Variants in BRINP3 observed in about 807,000 individuals in gnomAD.
BRINP3 encodes the protein BMP/retinoic acid-inducible neural-specific protein 3.
BRINP3 carries 19 observed loss-of-function variants against 71.0 expected under a neutral mutation model. The ratio of observed to expected loss-of-function variants is 0.27; its 90% confidence interval spans 0.19 to 0.39. BRINP3 has a LOEUF of 0.39. Among genes scored for constraint, BRINP3 ranks in the 10% least tolerant of loss-of-function variants. The pLI, the probability that BRINP3 is intolerant of heterozygous loss-of-function variation, is 1.00. For synonymous variants in BRINP3, 380 were observed against 337.7 expected (o/e 1.13, Z -1.37); for missense variants, 959 against 940.8 (o/e 1.02, Z -0.25).
chr1:190,374,215 A>G (rs1670045163), intron 2 of BRINP3, among the ~76,000 whole-genome samples: 1 of 152,110 alleles, frequency 6.6e-6, no homozygotes. Context: ...CTATTTGTGA[A>G]GTTTATAGGA....
chr1:190,355,556 C>T lies in BRINP3; in HGVS notation c.237-73806G>A, dbSNP rs551770191. On this transcript the variant is annotated intron_variant, in intron 2 of 7. Coordinates refer to ENST00000367462, the MANE Select transcript of BRINP3 (RefSeq NM_199051.3). ...AAACCTGTTTCCCCGAAATATAGAT[C>T]TTAATTCTTCCACTTGCATGTCAGT... Among the ~76,000 whole-genome samples the T allele has an allele frequency of 1.1e-4, 16 of 151,932 alleles. No individual in the cohort carries two copies. The East Asian group carries it at 2.9e-3, about 28-fold the overall frequency.
At chr1:190,465,697 T>G (rs551261712) in intron 1 of BRINP3, among the ~76,000 whole-genome samples, 6 of 151,860 alleles carry the variant, frequency 4.0e-5, no homozygotes, top group Middle Eastern at 3.2e-3. Context: ...TCTTGTTGAG[T>G]TCAGAGTTGA....
At chr1:190,134,293 G>A (rs1654790415) in intron 7 of BRINP3, among the ~76,000 whole-genome samples, 1 of 152,068 alleles carries the variant, frequency 6.6e-6, no homozygotes, top group African/African-American at 2.4e-5. Context: ...GTAGAGTGCA[G>A]ATGCCTCGGC....
intron 2 of BRINP3, chr1:190,302,592 C>T (rs1230451198): frequency 2.6e-5 from 4 of 151,822 alleles, no homozygotes; most frequent in Admixed American, 1.3e-4. Context: ...CTTTGTCCAA[C>T]TTAATTATTC....
intron 1 of BRINP3, among the ~76,000 whole-genome samples, chr1:190,458,289 A>G (rs1676144913): frequency 6.6e-6 from 1 of 152,144 alleles, no homozygotes; most frequent in Admixed American, 6.5e-5. Flanking sequence ...TTGTATTTGT[A>G]AGAACTTTAT....
chr1:190,202,119 T>G (rs564279856), intron 6 of BRINP3, among the ~76,000 whole-genome samples: 1 of 152,262 alleles, frequency 6.6e-6, no homozygotes, highest in Non-Finnish European at 1.5e-5. Flanking sequence ...AGGGAGACTG[T>G]ACTCTTCAAA....
intron 2 of BRINP3, among the ~76,000 whole-genome samples, chr1:190,365,808 A>G (rs12566225): frequency 0.017 from 228 of 13,380 alleles, 3 homozygotes; most frequent in Non-Finnish European, 0.026. Flanking sequence ...GAGCAAGTGT[A>G]TATATATATA....
intron 6 of BRINP3, among the ~76,000 whole-genome samples, chr1:190,186,102 A>G (rs1331829280): frequency 6.6e-6 from 1 of 152,124 alleles, no homozygotes; most frequent in Non-Finnish European, 1.5e-5. Flanking sequence ...AAGGCTGGTC[A>G]CGGTGGCTGA....
chr1:190,346,294 A>G (rs1424592827), intron 2 of BRINP3, among the ~76,000 whole-genome samples: 4 of 152,098 alleles, frequency 2.6e-5, no homozygotes, highest in Non-Finnish European at 5.9e-5. Context: ...TATGTGAAAT[A>G]TAACTAATAT....
intron 2 of BRINP3, among the ~76,000 whole-genome samples, chr1:190,399,461 A>G (rs937807442): frequency 1.3e-5 from 2 of 151,948 alleles, no homozygotes; most frequent in Non-Finnish European, 2.9e-5. Flanking sequence ...GCGAGCATGA[A>G]ACTGAAGTAT....
intron 6 of BRINP3, among the ~76,000 whole-genome samples, chr1:190,186,908 C>T (rs1047790996): frequency 2.0e-5 from 3 of 152,100 alleles, no homozygotes; most frequent in African/African-American, 7.2e-5. Flanking sequence ...TAAAGGACTT[C>T]CTAGATGAGT....
rs558649482 is a variant in BRINP3, at chr1:190,473,478, G to A, written c.-51+3970C>T. Among the ~76,000 whole-genome samples the A allele has an allele frequency of 1.5e-3, 229 of 150,158 alleles. 1 individual carries two copies. Among genetic ancestry groups the A allele is most frequent in the African/African-American group, 5.3e-3 (216 of 41,078 alleles). ...ATAATTTAAATAATACAATTTCTTA[G>A]AGAAGAGAAAGTGTTATTAACAAAT... On this transcript the variant is annotated intron_variant, in intron 1 of 7. Transcript: ENST00000367462.
At chr1:190,146,126 C>T (rs911963875) in intron 7 of BRINP3, among the ~76,000 whole-genome samples, 6 of 152,200 alleles carry the variant, frequency 3.9e-5, no homozygotes, top group East Asian at 1.9e-4. Context: ...GTGATGAGTG[C>T]TCTAAACCCT....
rs1306355384 is a variant in BRINP3, at chr1:190,098,509, G to T, written c.1810C>A (p.Pro604Thr). 6.2e-7 allele frequency: 1 copy of T among 1,614,024 alleles called. No individual in the cohort carries two copies. The highest frequency in any genetic ancestry group is 8.5e-7 in the Non-Finnish European group (1 of 1,180,030). Residue 604 changes from proline to threonine, a missense_variant, in exon 8 of 8, where the codon CCC (proline) becomes ACC (threonine). Coordinates refer to ENST00000367462, the MANE Select transcript of BRINP3 (RefSeq NM_199051.3). ...AATGTCCAGTTATAACACTGCAGGG[G>T]TAGGTCCAACTTAGTCCGCTCCCAG... ...PDWERTKLDL[P>T]LQCYNWTLTL...
chr1:190,266,713 C>T (rs988323849), intron 3 of BRINP3, among the ~76,000 whole-genome samples: 1 of 152,138 alleles, frequency 6.6e-6, no homozygotes, highest in Non-Finnish European at 1.5e-5. Flanking sequence ...CAGAAAAACT[C>T]ATCCACGTGA....
intron 4 of BRINP3, among the ~76,000 whole-genome samples, chr1:190,242,502 A>G (rs886282122): frequency 6.6e-6 from 1 of 152,142 alleles, no homozygotes; most frequent in Non-Finnish European, 1.5e-5. Flanking sequence ...GGATAAACAC[A>G]TTCAGTGCAA....
intron 6 of BRINP3, among the ~76,000 whole-genome samples, chr1:190,193,868 G>C (rs749425543): frequency 2.6e-5 from 4 of 152,028 alleles, no homozygotes; most frequent in Non-Finnish European, 5.9e-5. Flanking sequence ...CTATCTCCCA[G>C]GGTAAGAGCC....
intron 1 of BRINP3, among the ~76,000 whole-genome samples, chr1:190,467,454 C>G (rs1021705987): frequency 6.6e-6 from 1 of 151,434 alleles, no homozygotes; most frequent in African/African-American, 2.4e-5. Context: ...TTTCCAATTG[C>G]CTCCTTAACT....
intron 2 of BRINP3, among the ~76,000 whole-genome samples, chr1:190,401,086 G>A (rs748304213): frequency 4.6e-5 from 7 of 152,162 alleles, no homozygotes; most frequent in Non-Finnish European, 8.8e-5. Flanking sequence ...GCACAGAGAA[G>A]TGGCTCACCC....
Sources: allele counts gnomAD v4.1 joint callset (sites outside exome capture counted in the v4.1 genomes callset), GRCh38; gene constraint gnomAD v4.1.1; transcripts MANE v1.5; gene names NCBI Gene and HGNC (gene_info 2026-07-23, HGNC 2026-07-21).